The following QSER1 variants were observed in gnomAD, a reference collection of about 807,000 sequenced individuals.
QSER1 encodes glutamine and serine-rich protein 1.
Under a neutral mutation model 158.5 loss-of-function variants are expected in QSER1, and 49 were observed. The observed-to-expected ratio is 0.31, with a 90% CI of 0.25 to 0.39. The LOEUF (loss-of-function observed/expected upper bound fraction) is 0.39, where lower values mean the gene tolerates loss of function less well. Ranked by LOEUF, QSER1 falls within the 10% of genes least tolerant of loss-of-function variation. The probability of loss-of-function intolerance (pLI) is 1.00; values close to 1 mark genes in which losing one functional copy is unlikely to be tolerated. For missense variants in QSER1, 1,754 were observed against 2,010.3 expected, an observed-to-expected ratio of 0.87 and a Z score of 2.44; for synonymous variants, 650 against 715.5, an observed-to-expected ratio of 0.91 and a Z score of 1.46.
At chr11:32,923,058 GT>G (rs1208589289) in intron 1 of QSER1, among the ~76,000 whole-genome samples, 1 of 152,072 alleles carries the variant, frequency 6.6e-6, no homozygotes, top group East Asian at 1.9e-4. Flanking sequence ...TGGTGAGAAG[GT>G]TTTAAAAAAC....
At chr11:32,918,501 G>C (rs1341749713) in intron 1 of QSER1, among the ~76,000 whole-genome samples, 1 of 151,506 alleles carries the variant, frequency 6.6e-6, no homozygotes, top group Non-Finnish European at 1.5e-5. Context: ...CAAGAGACCT[G>C]TCTGGCTGGG....
chr11:32,963,900 C>T (rs995640983), intron 8 of QSER1, among the ~76,000 whole-genome samples: 4 of 152,118 alleles, frequency 2.6e-5, no homozygotes, highest in Admixed American at 2.6e-4. Context: ...CTCCTGGCCT[C>T]AAGCCATTGT....
chr11:32,948,537 G>A (rs1441227490), intron 4 of QSER1, among the ~76,000 whole-genome samples: 2 of 152,208 alleles, frequency 1.3e-5, no homozygotes, highest in Non-Finnish European at 2.9e-5. Context: ...CCTGAGGCAG[G>A]AGTATCGGGT....
intron 1 of QSER1, among the ~76,000 whole-genome samples, chr11:32,916,995 C>T (rs1479019126): frequency 6.6e-6 from 1 of 152,192 alleles, no homozygotes; most frequent in African/African-American, 2.4e-5. Flanking sequence ...CCATGCTGGC[C>T]AGGCTGGTCT....
At chr11:32,903,223 A>G (rs1012172378) in intron 1 of QSER1, among the ~76,000 whole-genome samples, 5 of 152,048 alleles carry the variant, frequency 3.3e-5, no homozygotes, top group Admixed American at 3.3e-4. Context: ...GGCTTATACC[A>G]GACTGAATGG....
intron 8 of QSER1, 33 bp downstream of exon 8, chr11:32,958,119 C>T (rs1852556198): frequency 6.6e-7 from 1 of 1,526,574 alleles, no homozygotes; most frequent in East Asian, 2.3e-5. Flanking sequence ...ACCCTGATAA[C>T]TTTAGATTAT....
At chr11:32,956,183 A>G (rs1446561878) in intron 7 of QSER1, 62 bp downstream of exon 7, 12 of 1,381,708 alleles carry the variant, frequency 8.7e-6, no homozygotes, top group Middle Eastern at 2.5e-4. Context: ...GATGATACCA[A>G]TGTACAAAGG....
intron 4 of QSER1, among the ~76,000 whole-genome samples, chr11:32,951,501 C>A (rs1172483204): frequency 6.6e-6 from 1 of 152,060 alleles, no homozygotes; most frequent in Non-Finnish European, 1.5e-5. Context: ...TGGGTTGATT[C>A]CATAGGTCAG....
intron 9 of QSER1, among the ~76,000 whole-genome samples, chr11:32,966,798 A>G (rs1309578113): frequency 1.3e-5 from 2 of 152,258 alleles, no homozygotes; most frequent in African/African-American, 2.4e-5. Flanking sequence ...TAAAAGTGGC[A>G]TAAAGATTAA....
At chr11:32,947,979 C>G (rs1260719176) in intron 4 of QSER1, among the ~76,000 whole-genome samples, 1 of 151,886 alleles carries the variant, frequency 6.6e-6, no homozygotes, top group African/African-American at 2.4e-5. Context: ...AAATACAACC[C>G]ACATGTGAAA....
chr11:32,976,196 T>G, intron 12 of QSER1, 138 bp from the exon 13 acceptor site: 1 of 691,228 alleles, frequency 1.4e-6, no homozygotes, highest in East Asian at 3.5e-5. Context: ...GATGAGAGGA[T>G]GAGATCTCAC....
At chr11:32,914,830 T>C (rs1338246466) in intron 1 of QSER1, among the ~76,000 whole-genome samples, 1 of 152,258 alleles carries the variant, frequency 6.6e-6, no homozygotes, top group Admixed American at 6.5e-5. Context: ...TTCTTTGTTA[T>C]AGTGAAGTTG....
rs1416307198 is a variant in QSER1 at position 32,932,033 on chromosome 11, C to A, written c.775C>A (p.Gln259Lys). The A allele has an allele frequency of 3.1e-6, 5 of 1,614,244 alleles. No individual in the cohort carries two copies. Among genetic ancestry groups the A allele is most frequent in the Non-Finnish European group, 4.2e-6 (5 of 1,180,042 alleles). ...TGTATTAAGTAACAGCATACCACCT[C>A]AGTCTTCAACATACCGCTCAGCTCA... ...SSVLSNSIPP[Q>K]SSTYRSAQES... is the part of the protein sequence containing the mutation. Residue 259 changes from glutamine (Q) to lysine (K), a missense_variant, in exon 4 of 13, where the codon CAG becomes AAG. Coordinates refer to ENST00000650167, the MANE Select transcript of QSER1 (RefSeq NM_001076786.3).
At chr11:32,894,484 CATT>C (rs1851529890) in intron 1 of QSER1, among the ~76,000 whole-genome samples, 1 of 152,202 alleles carries the variant, frequency 6.6e-6, no homozygotes, top group African/African-American at 2.4e-5. Context: ...CAGATTTCTT[CATT>C]ATTTTTCACG....
chr11:32,917,928 G>T (rs758057699), intron 1 of QSER1, among the ~76,000 whole-genome samples: 7 of 151,750 alleles, frequency 4.6e-5, no homozygotes, highest in African/African-American at 7.3e-5. Context: ...TCATTAGATG[G>T]TAGCTCAAGT....
chr11:32,964,769 C>T (rs10082572), intron 8 of QSER1, among the ~76,000 whole-genome samples: 99,006 of 125,926 alleles, frequency 0.79, 39,405 homozygotes, highest in East Asian at 0.96. Context: ...CACACACACA[C>T]ACACACACAC....
intron 4 of QSER1, among the ~76,000 whole-genome samples, chr11:32,953,470 C>T (rs1052381308): frequency 6.6e-6 from 1 of 152,124 alleles, no homozygotes; most frequent in Admixed American, 6.5e-5. Flanking sequence ...TTTCGCATCT[C>T]ATCCTCCTGA....
intron 3 of QSER1, among the ~76,000 whole-genome samples, chr11:32,928,927 T>A (rs1852009688): frequency 6.6e-6 from 1 of 152,170 alleles, no homozygotes; most frequent in Non-Finnish European, 1.5e-5. Flanking sequence ...ATTTTTTACT[T>A]CCTGAAATAA....
At chr11:32,972,725 C>G (rs568693800) in intron 10 of QSER1, among the ~76,000 whole-genome samples, 2 of 152,118 alleles carry the variant, frequency 1.3e-5, no homozygotes, top group African/African-American at 4.8e-5. Context: ...CATGAGCCAC[C>G]ATTCCTGGCC....
Sources: gnomAD v4.1 joint callset for allele counts (sites outside exome capture counted in the v4.1 genomes callset) on GRCh38, gnomAD v4.1.1 for gene constraint, MANE v1.5 for transcripts, NCBI Gene and HGNC (gene_info 2026-07-23, HGNC 2026-07-21) for gene names.